The following RFTN1 variants were observed in gnomAD, a reference collection of about 807,000 sequenced individuals.
The protein encoded by RFTN1 is raftlin, lipid raft linker 1.
RFTN1 carries 26 observed loss-of-function variants against 46.5 expected under a neutral mutation model. The observed-to-expected ratio is 0.56, with a 90% CI of 0.41 to 0.78. The LOEUF (loss-of-function observed/expected upper bound fraction) is 0.78, where lower values mean the gene tolerates loss of function less well. Among genes scored for constraint, RFTN1 ranks in the 30% least tolerant of loss-of-function variants. The pLI is 0.00. For synonymous variants in RFTN1, 261 were observed against 284.2 expected, an observed-to-expected ratio of 0.92 and a Z score of 0.82; for missense variants, 693 against 718.7, an observed-to-expected ratio of 0.96 and a Z score of 0.41.
At chr3:16,456,963 C>A (rs958084111) in intron 2 of RFTN1, among the ~76,000 whole-genome samples, 1 of 152,100 alleles carries the variant, frequency 6.6e-6, no homozygotes, top group Non-Finnish European at 1.5e-5. Flanking sequence ...CCACTTCTGT[C>A]ATAAAAACAA....
In RFTN1 at chr3:16,440,743, A is replaced by G. The variant is rs1349340339; in HGVS notation, c.146-6706T>C. 6.6e-6 allele frequency among the ~76,000 whole-genome samples: 1 copy of G among 152,220 alleles called. No homozygotes were observed. Among genetic ancestry groups the G allele is most frequent in the Non-Finnish European group, 1.5e-5 (1 of 68,050 alleles). The stretch of plus-strand genomic sequence containing the variant: ...TAACTCTTACTTTCAAGAAGTCAGA[A>G]ATCTTAATCTTCCTAATCTTTAAAT... On this transcript the variant is annotated intron_variant, in intron 2 of 9. Coordinates refer to ENST00000334133, the MANE Select transcript of RFTN1 (RefSeq NM_015150.2). The surrounding 1 kb of genome is among the most constrained non-coding windows in gnomAD (Gnocchi z 4.6).
At chr3:16,488,709 C>A (rs1192254753) in intron 2 of RFTN1, among the ~76,000 whole-genome samples, 1 of 152,208 alleles carries the variant, frequency 6.6e-6, no homozygotes. Flanking sequence ...TTCTAGAATT[C>A]TATATTCGAA....
In RFTN1 at chr3:16,432,346, G is replaced by A. The variant is rs28361537; in HGVS notation, c.332+1505C>T. ...CAGTCTAGGCAACATGGCGAAACCCGGTCTCTACCCAAAATAAAAAAATTA... is the reference window on the plus strand; with the variant it reads ...CAGTCTAGGCAACATGGCGAAACCCAGTCTCTACCCAAAATAAAAAAATTA... On this transcript the variant is annotated intron_variant, in intron 3 of 9. Transcript: ENST00000334133. Among the ~76,000 whole-genome samples, 178 of 151,996 alleles carry A rather than the reference G, an allele frequency of 1.2e-3. 1 individual carries two copies. Among genetic ancestry groups the A allele is most frequent in the African/African-American group, 3.6e-3 (151 of 41,434 alleles).
chr3:16,405,319 G>C (rs903217412), intron 4 of RFTN1, among the ~76,000 whole-genome samples: 6 of 152,134 alleles, frequency 3.9e-5, no homozygotes, highest in Non-Finnish European at 5.9e-5. Context: ...TAGAAAACAA[G>C]TCTCTCCAAG....
rs765619275 is a variant in RFTN1, at chr3:16,345,788, C to CTGTCTGTGTGTGTGTGTGTGTG, written c.1146+12143_1146+12144insCACACACACACACACACAGACA. ...TGAGCCAAAACCTTATAATAAATCT[C>CTGTCTGTGTGTGTGTGTGTGTG]TGTGTGTGTGTGTGTGTGTGTGTGT... On this transcript the variant is annotated intron_variant, in intron 7 of 9. Transcript: ENST00000334133. The surrounding 1 kb of genome is among the most constrained non-coding windows in gnomAD (Gnocchi z 5.2). 9.4e-5 allele frequency among the ~76,000 whole-genome samples: 12 copies of CTGTCTGTGTGTGTGTGTGTGTG among 127,170 alleles called. No homozygotes were observed. The highest frequency in any genetic ancestry group is 5.5e-4 in the South Asian group (2 of 3,608). The allele number at this position is 127,170 out of a possible 152,430, so 83.4% of individuals were successfully genotyped here.
At chr3:16,492,663 T>G (rs1359514780) in intron 2 of RFTN1, among the ~76,000 whole-genome samples, 1 of 152,188 alleles carries the variant, frequency 6.6e-6, no homozygotes, top group Non-Finnish European at 1.5e-5. Context: ...CAGTTTTTGC[T>G]CTCAAACTCC....
Position 16,334,949 on chromosome 3 carries a change from G to A in RFTN1, c.1147-8073C>T, listed in dbSNP as rs2070703629. ...GCAGCAGAGGCTGGAGTGATGCAGG[G>A]AAGGGGCCACGAGCCAAGGAACATG... On this transcript the variant is annotated intron_variant, in intron 7 of 9. Coordinates refer to ENST00000334133, the MANE Select transcript of RFTN1 (RefSeq NM_015150.2). The surrounding 1 kb of genome is among the most constrained non-coding windows in gnomAD (Gnocchi z 4.3). Among the ~76,000 whole-genome samples the A allele has an allele frequency of 6.6e-6, 1 of 152,212 alleles. No homozygotes were observed. The highest frequency in any genetic ancestry group is 2.4e-5 in the African/African-American group (1 of 41,458).
At chr3:16,392,439 G>A (rs2074374084) in intron 4 of RFTN1, among the ~76,000 whole-genome samples, 2 of 152,148 alleles carry the variant, frequency 1.3e-5, no homozygotes, top group Non-Finnish European at 2.9e-5. Flanking sequence ...TCACCGAGGT[G>A]GGATGTTCAG....
intron 8 of RFTN1, 112 bp downstream of exon 8, chr3:16,326,661 C>T (rs2069725592): frequency 1.3e-6 from 1 of 779,436 alleles, no homozygotes; most frequent in Non-Finnish European, 2.0e-6. Flanking sequence ...TACATAACTA[C>T]CAGCCTCTTG....
intron 5 of RFTN1, among the ~76,000 whole-genome samples, chr3:16,371,272 A>G (rs1050113421): frequency 1.3e-5 from 2 of 152,210 alleles, no homozygotes; most frequent in Non-Finnish European, 2.9e-5. Context: ...AAGCACATTC[A>G]TGCTCCCTGC....
chr3:16,393,600 G>C (rs554600752), intron 4 of RFTN1, among the ~76,000 whole-genome samples: 16 of 151,986 alleles, frequency 1.1e-4, no homozygotes, highest in African/African-American at 3.9e-4. Context: ...GCTTCTTGGG[G>C]AAAACATATT....
intron 1 of RFTN1, among the ~76,000 whole-genome samples, chr3:16,505,318 C>T (rs2076784903): frequency 6.6e-6 from 1 of 152,266 alleles, no homozygotes; most frequent in African/African-American, 2.4e-5. Context: ...CTTTTGTACA[C>T]CCTCAGAACT....
rs912752074 is a variant in RFTN1 at position 16,442,663 on chromosome 3, C to T, written c.146-8626G>A. On this transcript the variant is annotated intron_variant, in intron 2 of 9. Transcript: ENST00000334133. This position sits in a 1 kb window ranked among gnomAD's most constrained non-coding sequence, Gnocchi z 4.1. ...TATTAGCTATAGTCCCCATGTTGTA[C>T]ATTAGATCTCTAGATTTACTTATCA... 1.4e-4 allele frequency among the ~76,000 whole-genome samples: 22 copies of T among 152,152 alleles called. No homozygotes were observed. The highest frequency in any genetic ancestry group is 1.5e-5 in the Non-Finnish European group (1 of 68,032).
At chr3:16,438,712 C>T (rs985591051) in intron 2 of RFTN1, among the ~76,000 whole-genome samples, 4 of 146,848 alleles carry the variant, frequency 2.7e-5, no homozygotes, top group Non-Finnish European at 4.5e-5. Flanking sequence ...GTGATAACAA[C>T]ATCAACCTGT....
In RFTN1 at chr3:16,407,525, A is replaced by G. The variant is rs2074887888; in HGVS notation, c.441+1850T>C. 6.6e-6 allele frequency among the ~76,000 whole-genome samples: 1 copy of G among 152,168 alleles called. No homozygotes were observed. Among genetic ancestry groups the G allele is most frequent in the Non-Finnish European group, 1.5e-5 (1 of 68,026 alleles). On this transcript the variant is annotated intron_variant, in intron 4 of 9. Coordinates refer to ENST00000334133, the MANE Select transcript of RFTN1 (RefSeq NM_015150.2). This position sits in a 1 kb window ranked among gnomAD's most constrained non-coding sequence, Gnocchi z 4.0. ...CATGTTTTTAAAAAGCATATTTGAGAGTGGGCAGAGCCTTATGCCTTTCTT... is the reference window on the plus strand; with the variant it reads ...CATGTTTTTAAAAAGCATATTTGAGGGTGGGCAGAGCCTTATGCCTTTCTT...
intron 2 of RFTN1, among the ~76,000 whole-genome samples, chr3:16,453,301 C>G (rs1419432777): frequency 6.6e-6 from 1 of 152,116 alleles, no homozygotes; most frequent in Non-Finnish European, 1.5e-5. Context: ...AAAATGATGT[C>G]CAGAGGGATT....
intron 4 of RFTN1, among the ~76,000 whole-genome samples, chr3:16,379,287 G>A (rs842416): frequency 0.69 from 105,591 of 152,222 alleles, 37,063 homozygotes; most frequent in African/African-American, 0.76. Flanking sequence ...TCCACACTGC[G>A]CAACCTGGAA....
intron 2 of RFTN1, among the ~76,000 whole-genome samples, chr3:16,439,824 G>A (rs1206710026): frequency 6.6e-6 from 1 of 152,136 alleles, no homozygotes; most frequent in Non-Finnish European, 1.5e-5. Flanking sequence ...AGTGTGGGGA[G>A]CTTTTCAGAG....
chr3:16,373,915 G>T (rs1434858256), intron 5 of RFTN1, among the ~76,000 whole-genome samples: 1 of 152,210 alleles, frequency 6.6e-6, no homozygotes, highest in Non-Finnish European at 1.5e-5. Context: ...GCTCCATCCA[G>T]ATGCCTAAAT....
Sources: allele counts gnomAD v4.1 joint callset (sites outside exome capture counted in the v4.1 genomes callset), GRCh38; gene constraint gnomAD v4.1.1; non-coding constraint Gnocchi (gnomAD v3.1); transcripts MANE v1.5; gene names NCBI Gene and HGNC (gene_info 2026-07-23, HGNC 2026-07-21).